The following YIPF4 variants were observed in gnomAD, a reference collection of about 807,000 sequenced individuals.
YIPF4 encodes Yip1 domain family member 4, also known as protein YIPF4.
Under a neutral mutation model 29.4 loss-of-function variants are expected in YIPF4, and 18 were observed. The ratio of observed to expected loss-of-function variants is 0.61; its 90% CI spans 0.42 to 0.91. The LOEUF (loss-of-function observed/expected upper bound fraction) is 0.91. Among genes scored for constraint, YIPF4 ranks in the 40% least tolerant of loss-of-function variants. The pLI, the probability that YIPF4 is intolerant of heterozygous loss-of-function variation, is 0.00. For missense variants in YIPF4, 279 were observed against 282.7 expected (o/e 0.99, Z 0.09); for synonymous variants, 115 against 104.7 (o/e 1.10, Z -0.60).
intron 3 of YIPF4, among the ~76,000 whole-genome samples, chr2:32,296,103 C>T (rs1357625735): frequency 6.6e-6 from 1 of 152,192 alleles, no homozygotes; most frequent in African/African-American, 2.4e-5. Context: ...ACTCTGGTCT[C>T]CTACCTACCA....
chr2:32,295,156 A>C (rs1307398204), intron 3 of YIPF4, among the ~76,000 whole-genome samples: 1 of 152,210 alleles, frequency 6.6e-6, no homozygotes, highest in East Asian at 1.9e-4. Flanking sequence ...GGATTCCATC[A>C]GTATTTGTTT....
intron 4 of YIPF4, among the ~76,000 whole-genome samples, chr2:32,299,608 G>T (rs181316183): frequency 6.6e-6 from 1 of 152,052 alleles, no homozygotes; most frequent in African/African-American, 2.4e-5. Flanking sequence ...GATCACTTGC[G>T]CCCAGGAGTT....
rs1267127900 is a variant in YIPF4, at chr2:32,306,484, C to T, written c.*858C>T. 1 of 983,470 alleles carries T rather than the reference C, an allele frequency of 1.0e-6. No homozygotes were observed. The highest frequency in any genetic ancestry group is 1.2e-6 in the Non-Finnish European group (1 of 828,184). 60.9% of individuals were successfully genotyped at this position (983,470 alleles called of 1,614,324 possible). On this transcript the variant is annotated 3_prime_UTR_variant, in exon 6 of 6. Transcript: ENST00000238831. ...ATATTTTTAAGTGGTACTTCTAAATCATAAAAGTTGGGGAAAGAGACCTTT... is the reference window on the plus strand; with the variant it reads ...ATATTTTTAAGTGGTACTTCTAAATTATAAAAGTTGGGGAAAGAGACCTTT...
intron 1 of YIPF4, among the ~76,000 whole-genome samples, chr2:32,279,234 G>A (rs912825954): frequency 6.6e-5 from 10 of 151,932 alleles, no homozygotes; most frequent in Non-Finnish European, 8.8e-5. Flanking sequence ...GCCTCCCAAA[G>A]TGCTGGGATT....
In YIPF4 at chr2:32,309,783, G is replaced by C. The variant is rs1302017284; in HGVS notation, c.*4157G>C. The C allele has an allele frequency of 6.6e-6, 1 of 150,680 alleles. No individual in the cohort carries two copies. Among genetic ancestry groups the C allele is most frequent in the Non-Finnish European group, 1.5e-5 (1 of 67,878 alleles). The allele number at this position is 150,680 out of a possible 1,614,324, so 9.3% of individuals were successfully genotyped here. On this transcript the variant is annotated 3_prime_UTR_variant, in exon 6 of 6. Coordinates refer to ENST00000238831, the MANE Select transcript of YIPF4 (RefSeq NM_032312.4). Reference sequence around the variant, plus strand: ...AGCTCACTGCAACCTCTGATTCCTGGGTTCAAGCAATTCTCATGTCTCAGC... The same window carrying C: ...AGCTCACTGCAACCTCTGATTCCTGCGTTCAAGCAATTCTCATGTCTCAGC...
intron 5 of YIPF4, among the ~76,000 whole-genome samples, chr2:32,304,820 T>A (rs2031521664): frequency 1.3e-5 from 2 of 152,228 alleles, no homozygotes; most frequent in African/African-American, 2.4e-5. Flanking sequence ...AAGTATTGCA[T>A]AAGTTTCCAG....
chr2:32,292,118 G>A, intron 2 of YIPF4, 59 bp from the exon 3 acceptor site: 2 of 1,169,812 alleles, frequency 1.7e-6, no homozygotes, highest in Non-Finnish European at 2.2e-6. Flanking sequence ...TTTTTTTTTG[G>A]AATTGTTTTA....
intron 1 of YIPF4, among the ~76,000 whole-genome samples, chr2:32,283,033 C>T (rs1476147674): frequency 1.3e-5 from 2 of 149,324 alleles, no homozygotes; most frequent in South Asian, 2.1e-4. Flanking sequence ...GCCAAGATCG[C>T]GCCACTGCAC....
At position 32,298,284 on chromosome 2, in the gene YIPF4, C is replaced by G. The variant is rs1481377632; in HGVS notation, c.456C>G (p.Phe152Leu). ...GGATATTTGGTTCACTAACAATTTTCTTACTGGCCAGAGTTCTTGGTGGAG... is the reference window on the plus strand; with the variant it reads ...GGATATTTGGTTCACTAACAATTTTGTTACTGGCCAGAGTTCTTGGTGGAG... ...TIWIFGSLTI[F>L]LLARVLGGEV... is the part of the protein sequence containing the mutation. Residue 152 changes from phenylalanine (F) to leucine (L), a missense_variant, in exon 4 of 6, where the codon TTC becomes TTG. Coordinates refer to ENST00000238831, the MANE Select transcript of YIPF4 (RefSeq NM_032312.4). 1 of 1,608,858 alleles carries G rather than the reference C, an allele frequency of 6.2e-7. No homozygotes were observed. The highest frequency in any genetic ancestry group is 8.5e-7 in the Non-Finnish European group (1 of 1,177,178).
chr2:32,298,278 A>G lies in YIPF4; in HGVS notation c.450A>G (p.Thr150=). 1 of 1,609,942 alleles carries G rather than the reference A, an allele frequency of 6.2e-7. No homozygotes were observed. Among genetic ancestry groups the G allele is most frequent in the South Asian group, 1.1e-5 (1 of 90,436 alleles). ...CCATTTGGATATTTGGTTCACTAAC[A>G]ATTTTCTTACTGGCCAGAGTTCTTG... ...IITIWIFGSL[T]IFLLARVLGG... Residue 150 remains threonine (T), a synonymous_variant, in exon 4 of 6, where the codon ACA becomes ACG. Transcript: ENST00000238831.
chr2:32,285,818 G>C (rs1412050595), intron 1 of YIPF4, among the ~76,000 whole-genome samples: 2 of 151,906 alleles, frequency 1.3e-5, no homozygotes, highest in African/African-American at 4.8e-5. Context: ...ACCGCACCCG[G>C]CTAATTTTTG....
chr2:32,288,648 A>G (rs2030782752), intron 1 of YIPF4, among the ~76,000 whole-genome samples: 1 of 152,130 alleles, frequency 6.6e-6, no homozygotes, highest in African/African-American at 2.4e-5. Flanking sequence ...CATCTCTACT[A>G]AAAATACAAA....
In YIPF4 at chr2:32,306,290, A is replaced by T; in HGVS notation, c.*664A>T. The T allele has an allele frequency of 1.0e-6, 1 of 982,522 alleles. No individual in the cohort carries two copies. 60.9% of individuals were successfully genotyped at this position (982,522 alleles called of 1,614,324 possible). Reference sequence around the variant, plus strand: ...ACTGATTTTTAATAGTTGCTGATATATATTTGGTTTGTTTGGGTATACTTT... The same window carrying T: ...ACTGATTTTTAATAGTTGCTGATATTTATTTGGTTTGTTTGGGTATACTTT... On this transcript the variant is annotated 3_prime_UTR_variant, in exon 6 of 6. Transcript: ENST00000238831.
At chr2:32,286,747 C>T (rs1471286418) in intron 1 of YIPF4, among the ~76,000 whole-genome samples, 1 of 151,982 alleles carries the variant, frequency 6.6e-6, no homozygotes, top group Non-Finnish European at 1.5e-5. Flanking sequence ...GGTTTTACCA[C>T]GTTGGCCAGG....
chr2:32,294,311 G>T lies in YIPF4; in HGVS notation c.405+1963G>T, dbSNP rs559933645. Among the ~76,000 whole-genome samples, 51 of 151,604 alleles carry T rather than the reference G, an allele frequency of 3.4e-4. 1 individual carries two copies. Among genetic ancestry groups the T allele is most frequent in the African/African-American group, 1.2e-3 (49 of 41,266 alleles). On this transcript the variant is annotated intron_variant, in intron 3 of 5. Transcript: ENST00000238831. ...TGGAGGGGCTCCTCACTTCTCAGAC[G>T]GGGCGGCTGCCGGGCGGACGGGCTC...
chr2:32,285,134 A>G lies in YIPF4; in HGVS notation c.80-5349A>G, dbSNP rs373730063. On this transcript the variant is annotated intron_variant, in intron 1 of 5. Coordinates refer to ENST00000238831, the MANE Select transcript of YIPF4 (RefSeq NM_032312.4). ...CTTGCTACTGGTGGTAGAAATGGTA[A>G]GTGGACAGACATTTAAAAATATTTA... 2.6e-5 allele frequency among the ~76,000 whole-genome samples: 4 copies of G among 152,198 alleles called. No homozygotes were observed. In the East Asian group the frequency reaches 7.7e-4, roughly 29 times the overall value.
intron 1 of YIPF4, among the ~76,000 whole-genome samples, chr2:32,287,593 C>T (rs2030732913): frequency 6.6e-6 from 1 of 152,212 alleles, no homozygotes; most frequent in African/African-American, 2.4e-5. Context: ...TACTATCACA[C>T]TGCACTGTGA....
At position 32,298,239 on chromosome 2, in the gene YIPF4, C is replaced by G. The variant is rs200994395; in HGVS notation, c.411C>G (p.Val137=). The G allele has an allele frequency of 3.7e-6, 6 of 1,605,842 alleles. No individual in the cohort carries two copies. In the African/African-American group the frequency reaches 5.4e-5, roughly 14 times the overall value. The stretch of plus-strand genomic sequence containing the variant: ...GCATGATTTTTCCCCCTAAGGTGGT[C>G]TCATGGATTATAACCATTTGGATAT... ...MISLYGQFRV[V]SWIITIWIFG... Residue 137 remains valine (V), a synonymous_variant, in exon 4 of 6, where the codon GTC becomes GTG. Coordinates refer to ENST00000238831, the MANE Select transcript of YIPF4 (RefSeq NM_032312.4).
At chr2:32,293,235 C>T (rs896519787) in intron 3 of YIPF4, among the ~76,000 whole-genome samples, 3 of 152,018 alleles carry the variant, frequency 2.0e-5, no homozygotes, top group African/African-American at 4.8e-5. Flanking sequence ...GAGGACCCTG[C>T]GGCCTTCTGC....
Sources: allele counts gnomAD v4.1 joint callset (sites outside exome capture counted in the v4.1 genomes callset), GRCh38; gene constraint gnomAD v4.1.1; transcripts MANE v1.5; gene names NCBI Gene and HGNC (gene_info 2026-07-23, HGNC 2026-07-21).